Variants in TMEM63C observed in about 807,000 individuals in gnomAD.
The protein encoded by TMEM63C is transmembrane protein 63C.
A neutral mutation model predicts 99.2 loss-of-function variants in TMEM63C; 32 were observed. The ratio of observed to expected loss-of-function variants is 0.32; its 90% CI spans 0.24 to 0.43. TMEM63C has a LOEUF of 0.43. TMEM63C is among the 20% of genes least tolerant of loss of function. The probability of loss-of-function intolerance (pLI) is 1.00; values close to 1 mark genes in which losing one functional copy is unlikely to be tolerated. For missense variants in TMEM63C, 826 were observed against 1,053.0 expected (o/e 0.78, Z 2.98); for synonymous variants, 376 against 397.9 (o/e 0.94, Z 0.66).
At chr14:77,185,557 C>T (rs184783663) in intron 1 of TMEM63C, among the ~76,000 whole-genome samples, 18 of 152,272 alleles carry the variant, frequency 1.2e-4, no homozygotes, top group African/African-American at 3.6e-4. Context: ...GTGGCCAGTC[C>T]GCTGGGATAC....
At chr14:77,218,003 A>T (rs1888617946) in intron 2 of TMEM63C, among the ~76,000 whole-genome samples, 1 of 152,164 alleles carries the variant, frequency 6.6e-6, no homozygotes, top group East Asian at 1.9e-4. Context: ...AATGAATAAG[A>T]TCTAGTATTT....
chr14:77,209,885 G>C (rs765792020), intron 1 of TMEM63C, among the ~76,000 whole-genome samples: 8 of 152,148 alleles, frequency 5.3e-5, no homozygotes, highest in East Asian at 1.9e-4. Context: ...GGAACTTCCA[G>C]TGAAGAGGTG....
At chr14:77,241,700 G>A (rs1224054861) in intron 13 of TMEM63C, among the ~76,000 whole-genome samples, 1 of 152,202 alleles carries the variant, frequency 6.6e-6, no homozygotes, top group African/African-American at 2.4e-5. Context: ...ACCTCCCGGA[G>A]GGTTGACAAG....
chr14:77,246,748 TC>T, intron 18 of TMEM63C, 74 bp downstream of exon 18: 1 of 1,265,990 alleles, frequency 7.9e-7, no homozygotes, highest in Non-Finnish European at 1.1e-6. Context: ...CTTCCCTGAG[TC>T]CAGCACCTGA....
intron 10 of TMEM63C, 99 bp from the exon 11 acceptor site, chr14:77,239,313 G>A: frequency 1.6e-6 from 2 of 1,221,566 alleles, no homozygotes; most frequent in Non-Finnish European, 2.4e-6. Flanking sequence ...CCAGGCAGCT[G>A]AGCCACCCAG....
chr14:77,185,312 T>G (rs2140085738), intron 1 of TMEM63C, among the ~76,000 whole-genome samples: 1 of 152,244 alleles, frequency 6.6e-6, no homozygotes, highest in East Asian at 1.9e-4. Flanking sequence ...TCTGGTGTCC[T>G]TAGAGGATCA....
chr14:77,222,766 C>G, intron 5 of TMEM63C, among the ~76,000 whole-genome samples: 1 of 152,224 alleles, frequency 6.6e-6, no homozygotes, highest in East Asian at 1.9e-4. Flanking sequence ...CTTAAGCACA[C>G]TTCCCCAGGG....
At chr14:77,227,727 C>T (rs1257011461) in intron 6 of TMEM63C, among the ~76,000 whole-genome samples, 1 of 152,152 alleles carries the variant, frequency 6.6e-6, no homozygotes, top group Non-Finnish European at 1.5e-5. Flanking sequence ...CCAGAAACCT[C>T]TAGTGCTACA....
intron 1 of TMEM63C, among the ~76,000 whole-genome samples, chr14:77,189,789 T>C (rs1405255241): frequency 6.6e-6 from 1 of 152,134 alleles, no homozygotes; most frequent in Non-Finnish European, 1.5e-5. Context: ...CAGGTTTCAC[T>C]GGGGTGGGGG....
intron 10 of TMEM63C, 71 bp from the exon 11 acceptor site, chr14:77,239,341 C>T: frequency 2.0e-6 from 3 of 1,527,356 alleles, no homozygotes; most frequent in Non-Finnish European, 2.7e-6. Flanking sequence ...GGCCGACATG[C>T]TGGGCAGGGG....
At chr14:77,250,920 T>C (rs1889349360) in intron 21 of TMEM63C, among the ~76,000 whole-genome samples, 1 of 152,252 alleles carries the variant, frequency 6.6e-6, no homozygotes, top group South Asian at 2.1e-4. Flanking sequence ...CCCATCATCT[T>C]ACCCAGAACC....
At chr14:77,190,582 G>A (rs1421160756) in intron 1 of TMEM63C, among the ~76,000 whole-genome samples, 1 of 152,162 alleles carries the variant, frequency 6.6e-6, no homozygotes, top group Admixed American at 6.5e-5. Flanking sequence ...AGCAAGTGGG[G>A]CTGTATTCCA....
chr14:77,245,824 G>A (rs143527791), intron 16 of TMEM63C, 116 bp from the exon 17 acceptor site: 217 of 757,548 alleles, frequency 2.9e-4, no homozygotes, highest in Middle Eastern at 6.8e-4. Flanking sequence ...ATGAGATTTG[G>A]GTGGGGACAC....
intron 1 of TMEM63C, among the ~76,000 whole-genome samples, chr14:77,211,097 C>T (rs1209107527): frequency 6.6e-6 from 1 of 152,204 alleles, no homozygotes; most frequent in Non-Finnish European, 1.5e-5. Context: ...GCTCAGCCCA[C>T]TCTGCTCTCC....
At position 77,236,705 on chromosome 14, in the gene TMEM63C, G is replaced by C. The variant is rs370537079; in HGVS notation, c.624G>C (p.Leu208=). The part of the protein sequence containing the change: ...TNFMFMAHHC[L]GFAPRNSQKV... ...TCATGTTCATGGCTCATCACTGCCT[G>C]GGGTTTGCACCCAGGAATAGCCAAA... The change falls in exon 9 of 24, where the codon CTG becomes CTC. Residue 208 remains leucine, a synonymous_variant. Coordinates refer to ENST00000298351, the MANE Select transcript of TMEM63C (RefSeq NM_020431.4). 119 of 1,612,468 alleles carry C rather than the reference G, an allele frequency of 7.4e-5. No individual in the cohort carries two copies. Among genetic ancestry groups the C allele is most frequent in the Non-Finnish European group, 9.5e-5 (112 of 1,179,226 alleles).
Position 77,256,753 on chromosome 14 carries a change from C to A in TMEM63C, c.*27C>A, listed in dbSNP as rs750400015. On this transcript the variant is annotated 3_prime_UTR_variant, in exon 24 of 24. Transcript: ENST00000298351. The stretch of plus-strand genomic sequence containing the variant: ...CGGGACCTGAGGCCTCCACTGGCGA[C>A]TTGTTGAGGGGTCAGGGGAGGGCCT... 6.2e-7 allele frequency: 1 copy of A among 1,609,218 alleles called. No homozygotes were observed. The highest frequency in any genetic ancestry group is 1.1e-5 in the South Asian group (1 of 90,812).
At chr14:77,198,795 A>AT (rs1888250598) in intron 1 of TMEM63C, among the ~76,000 whole-genome samples, 1 of 151,976 alleles carries the variant, frequency 6.6e-6, no homozygotes, top group East Asian at 1.9e-4. Flanking sequence ...TTTCTCAGAG[A>AT]TTTTTCCACT....
chr14:77,257,426 G>A lies in TMEM63C; in HGVS notation c.*700G>A, dbSNP rs919226274. ...CTTTCTATTCTTACAAGGGTAGCTA[G>A]AGCGTGATCACTCAGGGCTCATCAA... On this transcript the variant is annotated 3_prime_UTR_variant, in exon 24 of 24. Transcript: ENST00000298351. 1 of 152,266 alleles carries A rather than the reference G, an allele frequency of 6.6e-6. No homozygotes were observed. The highest frequency in any genetic ancestry group is 1.5e-5 in the Non-Finnish European group (1 of 68,078). 9.4% of individuals were successfully genotyped at this position (152,266 alleles called of 1,614,324 possible). A position where few individuals can be genotyped will look rare whatever the true frequency, so the allele number is the denominator to read the frequency against.
chr14:77,194,491 T>TTTTTTC lies in TMEM63C; in HGVS notation c.-77+12601_-77+12606dup, dbSNP rs10624928. ...GGCAGGGACATCCATGCCATATTTC[T>TTTTTTC]TTTTTCTTTCTTTCTTTCTTTCTTT... On this transcript the variant is annotated intron_variant, in intron 1 of 23. Coordinates refer to ENST00000298351, the MANE Select transcript of TMEM63C (RefSeq NM_020431.4). 8.1e-3 allele frequency among the ~76,000 whole-genome samples: 436 copies of TTTTTTC among 54,142 alleles called. 34 individuals carry two copies. The highest frequency in any genetic ancestry group is 0.032 in the South Asian group (22 of 682). 35.5% of individuals were successfully genotyped at this position (54,142 alleles called of 152,430 possible).
Sources: allele counts gnomAD v4.1 joint callset (sites outside exome capture counted in the v4.1 genomes callset), GRCh38; gene constraint gnomAD v4.1.1; transcripts MANE v1.5; gene names NCBI Gene and HGNC (gene_info 2026-07-23, HGNC 2026-07-21).